The following MAGI3 variants were observed in gnomAD, a reference collection of about 807,000 sequenced individuals.
MAGI3 encodes membrane associated guanylate kinase, WW and PDZ domain containing 3.
MAGI3 carries 43 observed loss-of-function variants against 121.8 expected under a neutral mutation model. The ratio of observed to expected loss-of-function variants is 0.35; its 90% CI spans 0.28 to 0.46. The LOEUF (loss-of-function observed/expected upper bound fraction) is 0.46, where lower values mean the gene tolerates loss of function less well. MAGI3 is among the 20% of genes least tolerant of loss of function. The pLI is 1.00. For missense variants in MAGI3, 1,547 were observed against 1,797.3 expected (o/e 0.86, Z 2.52); for synonymous variants, 553 against 639.3 (o/e 0.86, Z 2.04).
At chr1:113,457,132 G>A (rs1279358371) in intron 1 of MAGI3, among the ~76,000 whole-genome samples, 1 of 152,238 alleles carries the variant, frequency 6.6e-6, no homozygotes, top group Non-Finnish European at 1.5e-5. Context: ...AAGTTGGCTC[G>A]CTAGTACGCA....
intron 16 of MAGI3, among the ~76,000 whole-genome samples, chr1:113,661,167 T>C (rs961480061): frequency 6.6e-6 from 1 of 152,212 alleles, no homozygotes; most frequent in African/African-American, 2.4e-5. Flanking sequence ...CATCAGGGGT[T>C]AAAGGTGAAA....
chr1:113,642,069 A>C lies in MAGI3; in HGVS notation c.1519A>C (p.Ile507Leu). The C allele has an allele frequency of 6.2e-7, 1 of 1,614,122 alleles. No individual in the cohort carries two copies. The highest frequency in any genetic ancestry group is 1.1e-5 in the South Asian group (1 of 91,082). The change falls in exon 10 of 21, where the codon ATT becomes CTT. Residue 507 changes from isoleucine to leucine, a missense_variant. Transcript: ENST00000307546. ...PDDSEDPVVD[I>L]VAATPVINGQ... is the part of the protein sequence containing the mutation. ...TGACAGTGAAGATCCTGTTGTGGACATTGTTGCTGCTACCCCTGTCATCAA... is the reference window on the plus strand; with the variant it reads ...TGACAGTGAAGATCCTGTTGTGGACCTTGTTGCTGCTACCCCTGTCATCAA...
chr1:113,545,601 G>A (rs997044991), intron 1 of MAGI3, among the ~76,000 whole-genome samples: 1 of 152,186 alleles, frequency 6.6e-6, no homozygotes, highest in Non-Finnish European at 1.5e-5. Flanking sequence ...CATATATTCA[G>A]AAAGTATGGA....
intron 2 of MAGI3, among the ~76,000 whole-genome samples, chr1:113,577,524 G>A (rs1647728711): frequency 6.7e-6 from 1 of 150,076 alleles, no homozygotes; most frequent in Non-Finnish European, 1.5e-5. Flanking sequence ...AGTATTAGGA[G>A]AATATAAAGA....
chr1:113,428,951 A>G (rs1223842984), intron 1 of MAGI3, among the ~76,000 whole-genome samples: 1 of 152,212 alleles, frequency 6.6e-6, no homozygotes, highest in African/African-American at 2.4e-5. Context: ...TTCCTTAATT[A>G]CACTAGCTAC....
rs116490003 is a variant in MAGI3, at chr1:113,483,365, G to C, written c.317-66150G>C. Among the ~76,000 whole-genome samples the C allele has an allele frequency of 9.8e-3, 1,493 of 152,204 alleles. 13 individuals carry two copies. Among genetic ancestry groups the C allele is most frequent in the Non-Finnish European group, 0.015 (1,009 of 68,004 alleles). Reference sequence around the variant, plus strand: ...TATCTGGGGATTGAGGCTTTGGGAGGTAATCAGGTAATGAGGGTAAAGCCC... The same window carrying C: ...TATCTGGGGATTGAGGCTTTGGGAGCTAATCAGGTAATGAGGGTAAAGCCC... On this transcript the variant is annotated intron_variant, in intron 1 of 20. Transcript: ENST00000307546.
At chr1:113,591,340 CGTAAA>C (rs1174062510) in intron 5 of MAGI3, among the ~76,000 whole-genome samples, 1 of 151,946 alleles carries the variant, frequency 6.6e-6, no homozygotes, top group African/African-American at 2.4e-5. Flanking sequence ...TAATTCTCAT[CGTAAA>C]GTAATTTGCC....
intron 1 of MAGI3, among the ~76,000 whole-genome samples, chr1:113,540,515 A>G (rs778046812): frequency 2.0e-5 from 3 of 152,216 alleles, no homozygotes; most frequent in Non-Finnish European, 4.4e-5. Flanking sequence ...ATGTGTACAC[A>G]GCACTGTAGA....
chr1:113,622,152 C>CT (rs1267542034), intron 8 of MAGI3, among the ~76,000 whole-genome samples: 1 of 152,032 alleles, frequency 6.6e-6, no homozygotes, highest in Non-Finnish European at 1.5e-5. Context: ...CATTTAAAAT[C>CT]TTTTTTACAG....
At chr1:113,406,214 A>T (rs1651671906) in intron 1 of MAGI3, among the ~76,000 whole-genome samples, 1 of 148,754 alleles carries the variant, frequency 6.7e-6, no homozygotes, top group African/African-American at 2.5e-5. Flanking sequence ...CTGAGGTGGG[A>T]GGACTGCTTG....
chr1:113,569,186 A>G (rs770540967), intron 2 of MAGI3, among the ~76,000 whole-genome samples: 6 of 152,180 alleles, frequency 3.9e-5, no homozygotes, highest in Admixed American at 2.0e-4. Context: ...AAATAAAAGA[A>G]CACAACTGAA....
At chr1:113,669,401 TCA>T (rs1647389651) in intron 16 of MAGI3, among the ~76,000 whole-genome samples, 1 of 152,216 alleles carries the variant, frequency 6.6e-6, no homozygotes, top group Non-Finnish European at 1.5e-5. Flanking sequence ...AACATTGTGA[TCA>T]CAGTGTGCTT....
At chr1:113,599,902 C>T (rs1329455113) in intron 6 of MAGI3, among the ~76,000 whole-genome samples, 1 of 151,870 alleles carries the variant, frequency 6.6e-6, no homozygotes, top group Non-Finnish European at 1.5e-5. Context: ...CCCTGGGATG[C>T]AAGGCTGGTT....
chr1:113,555,877 G>A (rs4581284), intron 2 of MAGI3, among the ~76,000 whole-genome samples: 34,600 of 151,700 alleles, frequency 0.23, 4,936 homozygotes, highest in South Asian at 0.38. Context: ...ATGAGACCCT[G>A]TCTCTTAAAA....
Position 113,480,844 on chromosome 1 carries a change from G to A in MAGI3, c.317-68671G>A, listed in dbSNP as rs548274978. ...CTCCTATTCTGCCATCTTACTGATG[G>A]CACTCTAGTGTGACTTTTGAATCCG... On this transcript the variant is annotated intron_variant, in intron 1 of 20. Coordinates refer to ENST00000307546, the MANE Select transcript of MAGI3 (RefSeq NM_001142782.2). 3.0e-4 allele frequency among the ~76,000 whole-genome samples: 46 copies of A among 152,252 alleles called. No homozygotes were observed. The Middle Eastern group carries it at 0.01, about 34-fold the overall frequency.
intron 1 of MAGI3, among the ~76,000 whole-genome samples, chr1:113,531,405 C>T (rs1326737196): frequency 6.6e-6 from 1 of 151,918 alleles, no homozygotes; most frequent in Admixed American, 6.6e-5. Context: ...AATGCACCCC[C>T]TTGTTGTGGG....
At chr1:113,403,328 A>G (rs1370820913) in intron 1 of MAGI3, among the ~76,000 whole-genome samples, 3 of 152,138 alleles carry the variant, frequency 2.0e-5, no homozygotes, top group Non-Finnish European at 2.9e-5. Context: ...TCTGGAATGT[A>G]GGATCTGGCC....
At chr1:113,432,557 T>C (rs1653356603) in intron 1 of MAGI3, among the ~76,000 whole-genome samples, 1 of 152,110 alleles carries the variant, frequency 6.6e-6, no homozygotes, top group South Asian at 2.1e-4. Context: ...TTTAAATAAT[T>C]GGGTCTTTAT....
At chr1:113,460,471 G>A (rs1654974128) in intron 1 of MAGI3, among the ~76,000 whole-genome samples, 1 of 152,144 alleles carries the variant, frequency 6.6e-6, no homozygotes, top group Admixed American at 6.6e-5. Flanking sequence ...AGGAAGAGAG[G>A]AAGTCTTCTC....
Sources: gnomAD v4.1 joint callset for allele counts (sites outside exome capture counted in the v4.1 genomes callset) on GRCh38, gnomAD v4.1.1 for gene constraint, MANE v1.5 for transcripts, NCBI Gene and HGNC (gene_info 2026-07-23, HGNC 2026-07-21) for gene names.